Variants in ERN2 observed in about 807,000 individuals in gnomAD.
The protein encoded by ERN2 is serine/threonine-protein kinase/endoribonuclease IRE2.
In ERN2, 111 loss-of-function variants were observed where a neutral mutation model predicts 107.9. The observed-to-expected ratio is 1.03, with a 90% CI of 0.88 to 1.20. The LOEUF is 1.20. Among genes scored for constraint, ERN2 ranks in the 50% most tolerant of loss-of-function variants. The pLI is 0.00. For synonymous variants in ERN2, 524 were observed against 501.7 expected (o/e 1.04, Z -0.59); for missense variants, 1,225 against 1,197.9 (o/e 1.02, Z -0.33).
chr16:23,698,120 C>T (rs1216662161), intron 13 of ERN2, among the ~76,000 whole-genome samples: 1 of 152,164 alleles, frequency 6.6e-6, no homozygotes, highest in East Asian at 1.9e-4. Flanking sequence ...GCTGCTTCTA[C>T]ACAGGTTGGG....
chr16:23,704,919 G>A lies in ERN2; in HGVS notation c.818C>T (p.Thr273Ile). The A allele has an allele frequency of 1.2e-6, 2 of 1,612,970 alleles. No individual in the cohort carries two copies. The highest frequency in any genetic ancestry group is 1.7e-6 in the Non-Finnish European group (2 of 1,180,032). The change falls in exon 8 of 22, where the codon ACA (threonine) becomes ATA (isoleucine). Residue 273 changes from threonine to isoleucine, a missense_variant. By Grantham distance (89) the Thr-to-Ile change is moderately conservative. Coordinates refer to ENST00000256797, the MANE Select transcript of ERN2 (RefSeq NM_033266.4). ...IRLPASGPRD[T>I]ATLFSTLDTQ... ...GTCCAAGGTAGAGAAGAGGGTGGCT[G>A]TGTCCCGGGGGCCTGAGGCAGGCAG...
At position 23,692,023 on chromosome 16, in the gene ERN2, G is replaced by C; in HGVS notation, c.2316C>G (p.Ala772=). ...LSPLPQPRPS[A]PQVLAHPFFW... is the part of the protein sequence containing the mutation. ...AGAAGGGGTGGGCCAGCACCTGGGG[G>C]GCAGAGGGGCGTGGCTGCGGCAGTG... is the stretch of plus-strand genomic sequence containing the variant. The change falls in exon 19 of 22, where the codon GCC becomes GCG. Residue 772 remains alanine (A), a synonymous_variant. Transcript: ENST00000256797. The C allele has an allele frequency of 6.2e-7, 1 of 1,613,936 alleles. No individual in the cohort carries two copies. Among genetic ancestry groups the C allele is most frequent in the Non-Finnish European group, 8.5e-7 (1 of 1,179,990 alleles).
Position 23,700,604 on chromosome 16 carries a change from C to G in ERN2, c.1460G>C (p.Ser487Thr), listed in dbSNP as rs26764. Residue 487 changes from serine (S) to threonine (T), a missense_variant, in exon 13 of 22, where the codon AGC becomes ACC. Physicochemically the swap from Ser to Thr is moderately conservative, Grantham distance 58 (BLOSUM62 1). Coordinates refer to ENST00000256797, the MANE Select transcript of ERN2 (RefSeq NM_033266.4). ...QDAQSLHSGA[S>T]RRSQKRLQSP... ...CTGAAGCCTCTTCTGGCTCCTCCGG[C>G]TGGCCCCCGAGTGCAGGGACTGGGC... 463,656 of 1,613,292 alleles carry G rather than the reference C, an allele frequency of 0.29. 72,673 individuals carry two copies. Among genetic ancestry groups the G allele is most frequent in the African/African-American group, 0.61 (46,063 of 74,948 alleles).
chr16:23,708,627 G>A (rs1028973160), intron 4 of ERN2, among the ~76,000 whole-genome samples: 1 of 152,006 alleles, frequency 6.6e-6, no homozygotes, highest in African/African-American at 2.4e-5. Context: ...CAAAGTGCTG[G>A]GATTACAGGC....
chr16:23,690,905 CAG>C lies in ERN2; in HGVS notation c.2705_2706del (p.Ser902Ter), dbSNP rs1959559908. 6.2e-7 allele frequency: 1 copy of C among 1,614,088 alleles called. No homozygotes were observed. The highest frequency in any genetic ancestry group is 8.5e-7 in the Non-Finnish European group (1 of 1,180,044). ...GGGTAGTAGGGCAGGAAGAGGCTCT[CAG>C]AGGCGCAGCTCCTCATGGCTCGGTG... ...HTHRAMRSCASESLFLPYYPP... is the reference protein window; with the variant it reads ...HTHRAMRSCAXESLFLPYYPP... On this transcript the variant is annotated frameshift_variant, in exon 22 of 22. Coordinates refer to ENST00000256797, the MANE Select transcript of ERN2 (RefSeq NM_033266.4). LOFTEE classifies it low-confidence loss of function (END_TRUNC).
intron 4 of ERN2, chr16:23,709,418 T>A (rs948841800): frequency 3.5e-5 from 10 of 286,260 alleles, no homozygotes; most frequent in African/African-American, 2.0e-4. Context: ...TGTATTCATG[T>A]CTGTGTCTGT....
At chr16:23,695,852 G>A (rs369104423) in intron 14 of ERN2, 42 bp downstream of exon 14, 2 of 1,515,426 alleles carry the variant, frequency 1.3e-6, no homozygotes, top group Admixed American at 1.7e-5. Context: ...CACGAGGGCT[G>A]TGAGTGCCAT....
intron 17 of ERN2, 97 bp from the exon 18 acceptor site, chr16:23,692,428 T>G: frequency 7.6e-7 from 1 of 1,323,418 alleles, no homozygotes; most frequent in African/African-American, 1.4e-5. Context: ...GCCAGGGGTT[T>G]GGCTCAGACT....
At chr16:23,701,997 T>A (rs369827908) in intron 11 of ERN2, among the ~76,000 whole-genome samples, 155 bp downstream of exon 11, 1 of 137,496 alleles carries the variant, frequency 7.3e-6, no homozygotes. Context: ...AACAACAAGT[T>A]GTGTTGTTCC....
chr16:23,691,214 A>G lies in ERN2; in HGVS notation c.2501-18T>C. On this transcript the variant is annotated intron_variant, in intron 20 of 21. Transcript: ENST00000256797. ...TCTCAGATCTGTGGACAGGGAATTC[A>G]GTGGCAAAACCGTCCCTGCTAGACT... 6.2e-7 allele frequency: 1 copy of G among 1,613,998 alleles called. No homozygotes were observed. Among genetic ancestry groups the G allele is most frequent in the Non-Finnish European group, 8.5e-7 (1 of 1,179,986 alleles).
intron 13 of ERN2, 95 bp downstream of exon 13, chr16:23,700,444 C>A (rs1959999099): frequency 7.9e-7 from 1 of 1,273,856 alleles, no homozygotes; most frequent in Non-Finnish European, 1.1e-6. Flanking sequence ...CTAACCACCC[C>A]ACTATAGTGG....
At chr16:23,703,780 T>A (rs1212452861) in intron 8 of ERN2, among the ~76,000 whole-genome samples, 2 of 152,226 alleles carry the variant, frequency 1.3e-5, no homozygotes, top group Non-Finnish European at 2.9e-5. Flanking sequence ...CTCTCTCATT[T>A]CCTATTCATT....
rs777733917 is a variant in ERN2 at position 23,691,040 on chromosome 16, G to GCTTCTGTGGGTA, written c.2569-9_2571dup (p.Lys857_His858insTyrProGlnLys). ...TCAACTGGGAGCTCCCTGTAGTGGT[G>GCTTCTGTGGGTA]CTTCTGTGGGTAGGTAGAGCAGAGA... On this transcript the variant is annotated inframe_insertion, in exon 22 of 22. Coordinates refer to ENST00000256797, the MANE Select transcript of ERN2 (RefSeq NM_033266.4). 6.8e-5 allele frequency: 110 copies of GCTTCTGTGGGTA among 1,614,096 alleles called. No individual in the cohort carries two copies. Among genetic ancestry groups the GCTTCTGTGGGTA allele is most frequent in the Non-Finnish European group, 9.0e-5 (106 of 1,180,040 alleles).
At chr16:23,702,793 T>G in intron 8 of ERN2, 91 bp from the exon 9 acceptor site, 2 of 1,094,676 alleles carry the variant, frequency 1.8e-6, no homozygotes, top group Non-Finnish European at 2.8e-6. Flanking sequence ...TATATTTCCC[T>G]CTCACATTGA....
At chr16:23,695,803 G>T in intron 14 of ERN2, 91 bp downstream of exon 14, 1 of 885,704 alleles carries the variant, frequency 1.1e-6, no homozygotes, top group South Asian at 1.4e-5. Context: ...ACCCACCTCG[G>T]GGAGTCTTTG....
In ERN2 at chr16:23,702,525, T is replaced by G. The variant is rs1235246201; in HGVS notation, c.946A>C (p.Thr316Pro). The G allele has an allele frequency of 6.2e-7, 1 of 1,614,022 alleles. No individual in the cohort carries two copies. The highest frequency in any genetic ancestry group is 1.7e-5 in the Admixed American group (1 of 60,018). The change falls in exon 10 of 22, where the codon ACC becomes CCC. Residue 316 changes from threonine to proline, a missense_variant. Coordinates refer to ENST00000256797, the MANE Select transcript of ERN2 (RefSeq NM_033266.4). ...TGVALVPRGL[T>P]LAPADGPTTD... ...GTGGGGCCATCTGCGGGGGCCAGGG[T>G]CAGTCCACGAGGCTATGGCAGAAGA...
rs545228799 is a variant in ERN2 at position 23,700,578 on chromosome 16, T to C, written c.1486A>G (p.Ser496Gly). Residue 496 changes from serine (S) to glycine (G), a missense_variant, in exon 13 of 22, where the codon AGT (serine) becomes GGT (glycine). Transcript: ENST00000256797. ...ASRRSQKRLQ[S>G]PSKQAQPLDD... The stretch of plus-strand genomic sequence containing the variant: ...AGTGGCTGGGCTTGCTTTGAGGGAC[T>C]CTGAAGCCTCTTCTGGCTCCTCCGG... 6 of 1,614,078 alleles carry C rather than the reference T, an allele frequency of 3.7e-6. No individual in the cohort carries two copies. The highest frequency in any genetic ancestry group is 2.7e-5 in the African/African-American group (2 of 75,050).
At position 23,692,259 on chromosome 16, in the gene ERN2, CA is replaced by C; in HGVS notation, c.2172del (p.Phe724LeufsTer39). 2.5e-6 allele frequency: 4 copies of C among 1,614,116 alleles called. No homozygotes were observed. The highest frequency in any genetic ancestry group is 3.4e-6 in the Non-Finnish European group (4 of 1,180,028). On this transcript the variant is annotated frameshift_variant, in exon 18 of 22. Transcript: ENST00000256797. LOFTEE classifies it high-confidence loss of function. ...TTTGCCTGGCGATAAAGACTGTCTC[CA>C]AAGGGGTGGCTGCCACCAGAAAGCA... ...YYVLSGGSHP[F>X]GDSLYRQANI... is the part of the protein sequence containing the mutation.
intron 4 of ERN2, chr16:23,709,610 A>T (rs756709874): frequency 5.3e-5 from 10 of 187,022 alleles, no homozygotes; most frequent in Non-Finnish European, 1.1e-5. Context: ...TGTTGATATC[A>T]TGTGAACAAG....
Sources: gnomAD v4.1 joint callset for allele counts (sites outside exome capture counted in the v4.1 genomes callset) on GRCh38, gnomAD v4.1.1 for gene constraint, MANE v1.5 for transcripts, NCBI Gene and HGNC (gene_info 2026-07-23, HGNC 2026-07-21) for gene names.